The following NMT2 variants were observed in gnomAD, a reference collection of about 807,000 sequenced individuals.
The protein encoded by NMT2 is glycylpeptide N-tetradecanoyltransferase 2.
A neutral mutation model predicts 65.4 loss-of-function variants in NMT2; 35 were observed. That is an observed-to-expected ratio of 0.54 (90% CI 0.41 to 0.71). NMT2 has a LOEUF of 0.71. NMT2 is among the 30% of genes least tolerant of loss of function. The pLI, the probability that NMT2 is intolerant of heterozygous loss-of-function variation, is 0.00. For synonymous variants in NMT2, 226 were observed against 231.8 expected, an observed-to-expected ratio of 0.98 and a Z score of 0.23; for missense variants, 489 against 611.3, an observed-to-expected ratio of 0.80 and a Z score of 2.11.
intron 1 of NMT2, among the ~76,000 whole-genome samples, chr10:15,158,757 T>G (rs964297538): frequency 6.6e-6 from 1 of 152,214 alleles, no homozygotes; most frequent in African/African-American, 2.4e-5. Flanking sequence ...CATTTATTTC[T>G]TACAGTTCTG....
At chr10:15,112,571 A>G (rs1324227474) in intron 10 of NMT2, among the ~76,000 whole-genome samples, 1 of 151,924 alleles carries the variant, frequency 6.6e-6, no homozygotes, top group East Asian at 1.9e-4. Flanking sequence ...TAATTTGTAC[A>G]TTTTGTCTTT....
In NMT2 at chr10:15,132,810, C is replaced by T. The variant is rs148982795; in HGVS notation, c.719+7G>A. On this transcript the variant is annotated splice_region_variant and intron_variant, in intron 6 of 11. Transcript: ENST00000378165. Reference sequence around the variant, plus strand: ...TAAAAACCGCATGGACGAGCTTAAACATGTACCTGTCATAAATCCGAATGT... The same window carrying T: ...TAAAAACCGCATGGACGAGCTTAAATATGTACCTGTCATAAATCCGAATGT... 907 of 1,582,002 alleles carry T rather than the reference C, an allele frequency of 5.7e-4. 4 individuals are homozygous for T. The African/African-American group carries it at 0.011, about 20-fold the overall frequency.
At chr10:15,152,604 A>G (rs1026795790) in intron 1 of NMT2, among the ~76,000 whole-genome samples, 1 of 152,234 alleles carries the variant, frequency 6.6e-6, no homozygotes, top group African/African-American at 2.4e-5. Flanking sequence ...AACCTTCCCC[A>G]GCCTTCTGTT....
Position 15,155,502 on chromosome 10 carries a change from AG to A in NMT2, c.110+13000del, listed in dbSNP as rs1832965482. Among the ~76,000 whole-genome samples, 3 of 141,884 alleles carry A rather than the reference AG, an allele frequency of 2.1e-5. No individual in the cohort carries two copies. In the South Asian group the frequency reaches 7.1e-4, roughly 34 times the overall value. 93.1% of individuals were successfully genotyped at this position (141,884 alleles called of 152,430 possible). A position where few individuals can be genotyped will look rare whatever the true frequency, so the allele number is the denominator to read the frequency against. ...TCCCGCCTCAGCCTCCTGAGTAGCT[AG>A]GAGTACAGGTGTATGCCACTATGCC... is the stretch of plus-strand genomic sequence containing the variant. On this transcript the variant is annotated intron_variant, in intron 1 of 11. Transcript: ENST00000378165.
At chr10:15,152,478 C>A (rs547537504) in intron 1 of NMT2, among the ~76,000 whole-genome samples, 1 of 152,324 alleles carries the variant, frequency 6.6e-6, no homozygotes, top group East Asian at 1.9e-4. Flanking sequence ...CAAAACGTAT[C>A]TTTTCCCCTT....
At chr10:15,141,124 A>T in intron 2 of NMT2, 1 of 1,182,972 alleles carries the variant, frequency 8.5e-7, no homozygotes, top group Non-Finnish European at 1.2e-6. Context: ...TTTCAAAAAA[A>T]CCTAACAAGC....
chr10:15,132,863 C>T lies in NMT2; in HGVS notation c.673G>A (p.Val225Ile). ...GCTGGGATGGCACTTATGAACCCGA[C>T]CAGTTTTTTATTTGAAGACACTCTG... ...GVRVSSNKKL[V>I]GFISAIPANI... is the part of the protein sequence containing the mutation. Residue 225 changes from valine to isoleucine, a missense_variant, in exon 6 of 12, where the codon GTC becomes ATC. Transcript: ENST00000378165. 2 of 1,613,940 alleles carry T rather than the reference C, an allele frequency of 1.2e-6. No individual in the cohort carries two copies. The highest frequency in any genetic ancestry group is 1.7e-6 in the Non-Finnish European group (2 of 1,179,908).
In NMT2 at chr10:15,107,621, C is replaced by A. The variant is rs541293138; in HGVS notation, c.*1574G>T. ...CACCCGCCACCACACCCAGCTAGTT[C>A]TTTTTGAATTTTTAGTAGAGATGGG... is the stretch of plus-strand genomic sequence containing the variant. On this transcript the variant is annotated 3_prime_UTR_variant, in exon 12 of 12. Coordinates refer to ENST00000378165, the MANE Select transcript of NMT2 (RefSeq NM_004808.3). The A allele has an allele frequency of 1.3e-4, 57 of 452,626 alleles. No homozygotes were observed. The highest frequency in any genetic ancestry group is 6.6e-4 in the South Asian group (7 of 10,672). 28.0% of individuals were successfully genotyped at this position (452,626 alleles called of 1,614,324 possible).
At chr10:15,128,520 T>A in intron 7 of NMT2, 62 bp from the exon 8 acceptor site, 2 of 1,038,468 alleles carry the variant, frequency 1.9e-6, no homozygotes, top group Non-Finnish European at 3.0e-6. Flanking sequence ...TTTCACTCTT[T>A]GTCTCAGCTT....
At chr10:15,129,907 CAA>C (rs753710829) in intron 7 of NMT2, among the ~76,000 whole-genome samples, 11 of 57,240 alleles carry the variant, frequency 1.9e-4, no homozygotes, top group African/African-American at 2.4e-4. Context: ...GAGTCTGCCT[CAA>C]AAAAAAAAAA....
chr10:15,165,507 T>C (rs1317217518), intron 1 of NMT2, among the ~76,000 whole-genome samples: 1 of 152,210 alleles, frequency 6.6e-6, no homozygotes, highest in East Asian at 1.9e-4. Context: ...CAATCCCTTC[T>C]TCCCCCATGT....
At chr10:15,139,900 T>TATATAC (rs1846678353) in intron 2 of NMT2, 1 of 120,426 alleles carries the variant, frequency 8.3e-6, no homozygotes, top group Non-Finnish European at 1.6e-5. Context: ...TATATATATA[T>TATATAC]ATATATATAT....
At position 15,128,385 on chromosome 10, in the gene NMT2, AAGTCATATTTCTACT is replaced by A. The variant is rs761453008; in HGVS notation, c.949_963del (p.Ser317_Thr321del). 1.9e-6 allele frequency: 3 copies of A among 1,609,018 alleles called. No individual in the cohort carries two copies. Among genetic ancestry groups the A allele is most frequent in the Admixed American group, 1.7e-5 (1 of 59,944 alleles). On this transcript the variant is annotated inframe_deletion, in exon 8 of 12. Coordinates refer to ENST00000378165, the MANE Select transcript of NMT2 (RefSeq NM_004808.3). ...CTGTATAGCTTCATTGTTCTCTGTA[AAGTCATATTTCTACT>A]CAAGTGAGAAAATTTCACTTCTACC... is the stretch of plus-strand genomic sequence containing the variant.
intron 2 of NMT2, among the ~76,000 whole-genome samples, chr10:15,136,609 C>G (rs968227320): frequency 6.6e-6 from 1 of 152,148 alleles, no homozygotes; most frequent in East Asian, 1.9e-4. Flanking sequence ...CTGCCCTTCT[C>G]CTGACCCTCC....
intron 11 of NMT2, 124 bp downstream of exon 11, chr10:15,109,576 AAT>A: frequency 2.7e-6 from 2 of 747,374 alleles, no homozygotes; most frequent in Non-Finnish European, 3.8e-6. Context: ...ATCTCAAAAA[AAT>A]AAATAAATAA....
chr10:15,157,830 AG>A (rs1470795159), intron 1 of NMT2, among the ~76,000 whole-genome samples: 1 of 152,236 alleles, frequency 6.6e-6, no homozygotes, highest in African/African-American at 2.4e-5. Context: ...TGACTTATAA[AG>A]AAAAAGACCT....
chr10:15,166,178 G>A (rs1833372727), intron 1 of NMT2, among the ~76,000 whole-genome samples: 2 of 152,166 alleles, frequency 1.3e-5, no homozygotes. Context: ...AACTTAATAT[G>A]TCTAAAAGGA....
At chr10:15,132,974 T>G (rs1433154438) in intron 5 of NMT2, 41 bp from the exon 6 acceptor site, 8 of 1,601,022 alleles carry the variant, frequency 5.0e-6, no homozygotes, top group Middle Eastern at 1.7e-4. Flanking sequence ...CCAGTTATTG[T>G]CCAAGAACAC....
intron 1 of NMT2, among the ~76,000 whole-genome samples, chr10:15,164,182 C>CAA (rs34847914): frequency 1.2e-3 from 80 of 69,310 alleles, no homozygotes; most frequent in East Asian, 2.1e-3. Context: ...GAATTGGTCT[C>CAA]AAAAAAAAAA....
Sources: allele counts gnomAD v4.1 joint callset (sites outside exome capture counted in the v4.1 genomes callset), GRCh38; gene constraint gnomAD v4.1.1; transcripts MANE v1.5; gene names NCBI Gene and HGNC (gene_info 2026-07-23, HGNC 2026-07-21).